Variants in MYH15 observed in about 807,000 individuals in gnomAD.
MYH15 encodes myosin heavy chain 15, also known as myosin-15.
Under a neutral mutation model 240.5 loss-of-function variants are expected in MYH15, and 227 were observed. That is an observed-to-expected ratio of 0.94 (90% CI 0.85 to 1.05). The LOEUF (loss-of-function observed/expected upper bound fraction) is 1.05, where lower values mean the gene tolerates loss of function less well. MYH15 is among the 50% of genes least tolerant of loss of function. The probability of loss-of-function intolerance (pLI) is 0.00; values close to 1 mark genes in which losing one functional copy is unlikely to be tolerated. For missense variants in MYH15, 2,217 were observed against 2,247.5 expected, an observed-to-expected ratio of 0.99 and a Z score of 0.27; for synonymous variants, 785 against 796.7, an observed-to-expected ratio of 0.99 and a Z score of 0.25.
In MYH15 at chr3:108,414,235, G is replaced by A. The variant is rs1560335288; in HGVS notation, c.4142C>T (p.Ala1381Val). 8 of 1,613,580 alleles carry A rather than the reference G, an allele frequency of 5.0e-6. No individual in the cohort carries two copies. The highest frequency in any genetic ancestry group is 1.7e-5 in the Admixed American group (1 of 59,990). Reference sequence around the variant, plus strand: ...AGGATAGCCTTGCCCTACTCACTTGGCATCCTCCAAGTCTTCTGTTCTCTG... The same window carrying A: ...AGGATAGCCTTGCCCTACTCACTTGACATCCTCCAAGTCTTCTGTTCTCTG... ...VIQRTEDLED[A>V]KKELAIRLQE... The change falls in exon 30 of 41, where the codon GCC becomes GTC. Residue 1381 changes from alanine (A) to valine (V), a missense_variant. By Grantham distance (64) the Ala-to-Val change is moderately conservative. Transcript: ENST00000693548.
intron 12 of MYH15, among the ~76,000 whole-genome samples, chr3:108,471,347 T>C (rs1304539701): frequency 6.6e-6 from 1 of 152,076 alleles, no homozygotes; most frequent in Non-Finnish European, 1.5e-5. Flanking sequence ...AAATGCAAAC[T>C]CTCAGGCCCA....
At chr3:108,393,902 G>T in intron 36 of MYH15, 129 bp downstream of exon 36, 1 of 1,387,636 alleles carries the variant, frequency 7.2e-7, no homozygotes, top group Non-Finnish European at 9.9e-7. Flanking sequence ...AGAGAGGTCA[G>T]ACTAACCTCC....
intron 21 of MYH15, among the ~76,000 whole-genome samples, chr3:108,452,584 A>T (rs2082983402): frequency 6.6e-6 from 1 of 152,188 alleles, no homozygotes; most frequent in African/African-American, 2.4e-5. Flanking sequence ...TATATACAAA[A>T]TATTATTTAC....
At chr3:108,473,484 C>T (rs2083194537) in intron 12 of MYH15, among the ~76,000 whole-genome samples, 1 of 152,192 alleles carries the variant, frequency 6.6e-6, no homozygotes, top group Admixed American at 6.5e-5. Context: ...CCCTTTTCTG[C>T]TTTTATCACT....
In MYH15 at chr3:108,501,812, G is replaced by A; in HGVS notation, c.239C>T (p.Pro80Leu). The change falls in exon 3 of 41, where the codon CCA (proline) becomes CTA (leucine). Residue 80 changes from proline (P) to leucine (L), a missense_variant. Pro to Leu is a moderately conservative substitution (Grantham distance 98). Coordinates refer to ENST00000693548, the MANE Select transcript of MYH15 (RefSeq NM_014981.3). ...KEDKIQQMNP[P>L]EFEMIEDMAM... The stretch of plus-strand genomic sequence containing the variant: ...CATGTCTTCAATCATTTCAAACTCT[G>A]GAGGATTCATCTGCTGGATTTTGTC... The A allele has an allele frequency of 6.2e-7, 1 of 1,614,036 alleles. No individual in the cohort carries two copies. Among genetic ancestry groups the A allele is most frequent in the South Asian group, 1.1e-5 (1 of 91,064 alleles).
At chr3:108,460,444 G>A (rs2083062811) in intron 16 of MYH15, 77 bp from the exon 17 acceptor site, 3 of 1,147,406 alleles carry the variant, frequency 2.6e-6, no homozygotes, top group Non-Finnish European at 3.7e-6. Context: ...CCCCACTGAT[G>A]GAAGCATAAA....
chr3:108,464,680 C>A lies in MYH15; in HGVS notation c.1689G>T (p.Lys563Asn). Reference protein sequence around the residue: ...VHLQKPKPDKKKFEAHFELVH... With the variant: ...VHLQKPKPDKNKFEAHFELVH... ...CAAGTTCAAAATGAGCTTCAAATTT[C>A]TTCTTATCAGGCTTGGGCTTCTGGA... Residue 563 changes from lysine (K) to asparagine (N), a missense_variant, in exon 15 of 41, where the codon AAG (lysine) becomes AAT (asparagine). Physicochemically the swap from Lys to Asn is moderately conservative, Grantham distance 94. Transcript: ENST00000693548. 6.2e-7 allele frequency: 1 copy of A among 1,613,650 alleles called. No homozygotes were observed. The highest frequency in any genetic ancestry group is 8.5e-7 in the Non-Finnish European group (1 of 1,179,764).
At chr3:108,433,479 G>A (rs1161430971) in intron 25 of MYH15, among the ~76,000 whole-genome samples, 1 of 152,082 alleles carries the variant, frequency 6.6e-6, no homozygotes, top group East Asian at 1.9e-4. Flanking sequence ...TGAAATGTGA[G>A]GACATGAGAT....
chr3:108,444,490 C>A, intron 22 of MYH15, 150 bp downstream of exon 22: 1 of 916,472 alleles, frequency 1.1e-6, no homozygotes, highest in East Asian at 2.6e-5. Flanking sequence ...CAGGGTATCT[C>A]TTTGTTTTCA....
At chr3:108,453,952 G>A (rs1045208652) in intron 21 of MYH15, 54 bp downstream of exon 21, 14 of 1,560,114 alleles carry the variant, frequency 9.0e-6, no homozygotes, top group Non-Finnish European at 1.1e-5. Flanking sequence ...TAGTTGCACT[G>A]GTTGAGGCAC....
intron 40 of MYH15, among the ~76,000 whole-genome samples, chr3:108,383,015 C>T (rs959776042): frequency 4.6e-5 from 7 of 152,066 alleles, no homozygotes; most frequent in Admixed American, 4.6e-4. Flanking sequence ...AGGGCAATGG[C>T]CTCTACCATT....
the MYH15 span, among the ~76,000 whole-genome samples, chr3:108,542,119 A>C: frequency 1.3e-5 from 2 of 152,132 alleles, no homozygotes; most frequent in African/African-American, 4.8e-5. Flanking sequence ...GTAAAGTTTT[A>C]GATTTTGAGA....
At chr3:108,474,283 C>T (rs753010494) in intron 12 of MYH15, among the ~76,000 whole-genome samples, 13 of 149,820 alleles carry the variant, frequency 8.7e-5, no homozygotes, top group African/African-American at 2.7e-4. Context: ...AGAGAGAGAG[C>T]GAGAGGAGGA....
intron 13 of MYH15, 65 bp from the exon 14 acceptor site, chr3:108,470,277 G>A: frequency 8.4e-7 from 1 of 1,183,600 alleles, no homozygotes; most frequent in Non-Finnish European, 1.2e-6. Context: ...TTTCAAGAAT[G>A]TCCAGTAAAG....
intron 37 of MYH15, 85 bp downstream of exon 37, chr3:108,391,674 TG>T (rs1394338353): frequency 2.2e-6 from 3 of 1,379,556 alleles, no homozygotes; most frequent in Non-Finnish European, 3.0e-6. Context: ...GTATGTGTGT[TG>T]GGGGGCAGAT....
chr3:108,463,248 G>A lies in MYH15; in HGVS notation c.1732-5C>T. 2 of 1,600,222 alleles carry A rather than the reference G, an allele frequency of 1.2e-6. No homozygotes were observed. Among genetic ancestry groups the A allele is most frequent in the Non-Finnish European group, 1.7e-6 (2 of 1,176,192 alleles). On this transcript the variant is annotated splice_polypyrimidine_tract_variant and splice_region_variant and intron_variant, in intron 15 of 40. Transcript: ENST00000693548. Reference sequence around the variant, plus strand: ...ACCACTGATATTATAAGGTACCTTTGGAAAGGCATGCATTTCAGGTTAAAA... The same window carrying A: ...ACCACTGATATTATAAGGTACCTTTAGAAAGGCATGCATTTCAGGTTAAAA...
At position 108,430,453 on chromosome 3, in the gene MYH15, T is replaced by C. The variant is rs146815932; in HGVS notation, c.3312+379A>G. 5.4e-3 allele frequency among the ~76,000 whole-genome samples: 828 copies of C among 152,322 alleles called. 7 individuals are homozygous for C. Among genetic ancestry groups the C allele is most frequent in the African/African-American group, 0.015 (637 of 41,582 alleles). On this transcript the variant is annotated intron_variant, in intron 26 of 40. Coordinates refer to ENST00000693548, the MANE Select transcript of MYH15 (RefSeq NM_014981.3). ...AAGAATAATCATCATAAAAATTAAA[T>C]TGCTAACACTGAATGCATACCATGG...
intron 31 of MYH15, among the ~76,000 whole-genome samples, chr3:108,409,711 T>G (rs1172024739): frequency 6.6e-6 from 1 of 152,230 alleles, no homozygotes; most frequent in Non-Finnish European, 1.5e-5. Context: ...TTTGAAGGGC[T>G]GTTTGGCAGT....
Position 108,510,594 on chromosome 3 carries a change from A to AG in MYH15, c.-65_-64insC, listed in dbSNP as rs1171525430. The AG allele has an allele frequency of 5.6e-6, 9 of 1,596,060 alleles. No individual in the cohort carries two copies. The highest frequency in any genetic ancestry group is 6.8e-6 in the Non-Finnish European group (8 of 1,175,388). On this transcript the variant is annotated 5_prime_UTR_variant, in exon 1 of 41. Coordinates refer to ENST00000693548, the MANE Select transcript of MYH15 (RefSeq NM_014981.3). ...TGAGTAGGCAAGATTCAACCTGAAA[A>AG]AAAAAAATTGATACAGAGAAGAAAA... is the stretch of plus-strand genomic sequence containing the variant.
Sources: gnomAD v4.1 joint callset for allele counts (sites outside exome capture counted in the v4.1 genomes callset) on GRCh38, gnomAD v4.1.1 for gene constraint, MANE v1.5 for transcripts, NCBI Gene and HGNC (gene_info 2026-07-23, HGNC 2026-07-21) for gene names.